KAZN: variants seen among roughly 807,000 people sequenced by gnomAD.
The protein encoded by KAZN is kazrin.
Under a neutral mutation model 87.4 loss-of-function variants are expected in KAZN, and 40 were observed. The ratio of observed to expected loss-of-function variants is 0.46; its 90% CI spans 0.36 to 0.60. The LOEUF (loss-of-function observed/expected upper bound fraction) is 0.60. Ranked by LOEUF, KAZN falls within the 20% of genes least tolerant of loss-of-function variation. The pLI, the probability that KAZN is intolerant of heterozygous loss-of-function variation, is 0.00. For synonymous variants in KAZN, 466 were observed against 458.3 expected, an observed-to-expected ratio of 1.02 and a Z score of -0.22; for missense variants, 898 against 1,073.9, an observed-to-expected ratio of 0.84 and a Z score of 2.29.
chr1:13,970,957 G>A (rs191695445), intron 1 of KAZN, among the ~76,000 whole-genome samples: 50 of 152,316 alleles, frequency 3.3e-4, no homozygotes, highest in Non-Finnish European at 6.5e-4. Flanking sequence ...AAATGAGAGT[G>A]ACATATGTTG....
At position 14,841,319 on chromosome 1, in the gene KAZN, T is replaced by A. The variant is rs540915473; in HGVS notation, c.227-119365T>A. ...ACTCGGAGAGGCTGAGGCAGGAGAA[T>A]GGTGTGAACCCGGGAGGCGGAGCTT... On this transcript the variant is annotated intron_variant, in intron 1 of 14. Transcript: ENST00000376030. Among the ~76,000 whole-genome samples, 3 of 143,566 alleles carry A rather than the reference T, an allele frequency of 2.1e-5. 1 individual carries two copies. In the South Asian group the frequency reaches 6.5e-4, roughly 31 times the overall value. 94.2% of individuals were successfully genotyped at this position (143,566 alleles called of 152,430 possible).
At chr1:14,265,828 G>A (rs1215834185) in intron 2 of KAZN, among the ~76,000 whole-genome samples, 9 of 152,218 alleles carry the variant, frequency 5.9e-5, no homozygotes, top group Admixed American at 5.2e-4. Context: ...TTACCAGCAG[G>A]TGGTGATTTG....
intron 1 of KAZN, among the ~76,000 whole-genome samples, chr1:14,038,084 C>T (rs1641638500): frequency 6.6e-6 from 1 of 152,140 alleles, no homozygotes; most frequent in Admixed American, 6.6e-5. Flanking sequence ...TTTATTTGTT[C>T]AGTAAGGTTT....
chr1:15,104,123 C>T lies in KAZN; in HGVS notation c.1982C>T (p.Pro661Leu). Residue 661 changes from proline (P) to leucine (L), a missense_variant, in exon 13 of 15, where the codon CCC becomes CTC. Physicochemically the swap from Pro to Leu is moderately conservative, Grantham distance 98. This residue lies in a region of KAZN where 521 missense variants were observed against 689.4 expected (regional missense o/e 0.76). Coordinates refer to ENST00000376030, the MANE Select transcript of KAZN (RefSeq NM_201628.3). ...GCCATGGCCACTGCCCTGGGCATCC[C>T]CAGTGGGAAGCACATCCTCCGGAGA... ...AEAMATALGI[P>L]SGKHILRRHL... 6.2e-7 allele frequency: 1 copy of T among 1,610,128 alleles called. No individual in the cohort carries two copies. The highest frequency in any genetic ancestry group is 2.2e-5 in the East Asian group (1 of 44,718).
At chr1:14,530,149 G>A (rs1009986980) in intron 2 of KAZN, among the ~76,000 whole-genome samples, 1 of 152,178 alleles carries the variant, frequency 6.6e-6, no homozygotes, top group South Asian at 2.1e-4. Flanking sequence ...ACAGTAGAGA[G>A]ACCACCTTCC....
rs868662248 is a variant in KAZN at position 14,149,247 on chromosome 1, G to A, written c.92-31188G>A. Among the ~76,000 whole-genome samples, 38 of 150,600 alleles carry A rather than the reference G, an allele frequency of 2.5e-4. 1 individual carries two copies. The highest frequency in any genetic ancestry group is 7.8e-4 in the African/African-American group (32 of 40,944). On this transcript the variant is annotated intron_variant, in intron 1 of 16. Coordinates refer to the KAZN transcript ENST00000636203. ...CTCCCAAGTAGCTGGGACTACAGGC[G>A]TGTGCCACCACGCCCAGCTAATTTT...
chr1:14,375,474 G>A (rs914783966), intron 2 of KAZN, among the ~76,000 whole-genome samples: 4 of 152,170 alleles, frequency 2.6e-5, no homozygotes, highest in African/African-American at 4.8e-5. Flanking sequence ...CTGGGATCAC[G>A]TGTTTCCCAC....
intron 2 of KAZN, among the ~76,000 whole-genome samples, chr1:14,581,806 T>C (rs769431281): frequency 1.2e-4 from 18 of 152,162 alleles, no homozygotes; most frequent in Non-Finnish European, 1.9e-4. Context: ...CTGTGTGTGA[T>C]TCAGGTCTCT....
At chr1:15,100,178 C>A (rs1640994070) in intron 10 of KAZN, among the ~76,000 whole-genome samples, 1 of 152,156 alleles carries the variant, frequency 6.6e-6, no homozygotes, top group South Asian at 2.1e-4. Flanking sequence ...AATACAGAGA[C>A]AGGAGTGCCT....
At chr1:15,045,203 G>T (rs1043907609) in intron 4 of KAZN, among the ~76,000 whole-genome samples, 1 of 152,168 alleles carries the variant, frequency 6.6e-6, no homozygotes, top group Admixed American at 6.5e-5. Flanking sequence ...CAGATCCAGG[G>T]AGCTTGTGGC....
chr1:14,938,299 T>C (rs905579399), intron 1 of KAZN, among the ~76,000 whole-genome samples: 4 of 152,244 alleles, frequency 2.6e-5, no homozygotes, highest in South Asian at 2.1e-4. Context: ...CCCAACACTT[T>C]GGGAGGCCAA....
intron 2 of KAZN, among the ~76,000 whole-genome samples, chr1:14,574,643 C>T (rs938732284): frequency 2.0e-5 from 3 of 152,174 alleles, no homozygotes; most frequent in African/African-American, 7.2e-5. Flanking sequence ...ATTACCCAGT[C>T]TCGGGTATGT....
chr1:14,709,284 A>C (rs923030798), intron 1 of KAZN, among the ~76,000 whole-genome samples: 5 of 152,174 alleles, frequency 3.3e-5, no homozygotes, highest in African/African-American at 1.2e-4. Context: ...CCAATTAATA[A>C]AGTGCAAAAT....
chr1:15,048,516 C>T (rs944072702), intron 4 of KAZN, among the ~76,000 whole-genome samples: 5 of 152,232 alleles, frequency 3.3e-5, no homozygotes, highest in Non-Finnish European at 4.4e-5. Flanking sequence ...CCCGCAGGAG[C>T]CTCCCCTCCA....
chr1:15,054,657 A>G (rs1674755535), intron 4 of KAZN, among the ~76,000 whole-genome samples: 1 of 150,446 alleles, frequency 6.6e-6, no homozygotes, highest in African/African-American at 2.5e-5. Flanking sequence ...ATCTCAAAAA[A>G]AAAAAAAAGA....
chr1:14,138,834 A>G (rs970738980), intron 1 of KAZN, among the ~76,000 whole-genome samples: 2 of 152,152 alleles, frequency 1.3e-5, no homozygotes, highest in African/African-American at 4.8e-5. Context: ...ATGCTAACAG[A>G]TGGTTCTGTG....
intron 2 of KAZN, among the ~76,000 whole-genome samples, chr1:14,975,023 A>T (rs1482770497): frequency 6.6e-6 from 1 of 152,220 alleles, no homozygotes; most frequent in Non-Finnish European, 1.5e-5. Flanking sequence ...AGCATTTTAG[A>T]ACCCTGTAAG....
chr1:14,618,404 T>C (rs1678427288), intron 1 of KAZN, among the ~76,000 whole-genome samples: 1 of 152,210 alleles, frequency 6.6e-6, no homozygotes, highest in Non-Finnish European at 1.5e-5. Flanking sequence ...TGTACATATT[T>C]CTTGGGCACC....
intron 1 of KAZN, among the ~76,000 whole-genome samples, chr1:14,012,755 C>A (rs1347938147): frequency 6.6e-6 from 1 of 152,112 alleles, no homozygotes; most frequent in African/African-American, 2.4e-5. Context: ...CAGTGAGCAA[C>A]CACTCCAACC....
Sources: allele counts gnomAD v4.1 joint callset (sites outside exome capture counted in the v4.1 genomes callset), GRCh38; gene constraint gnomAD v4.1.1; regional missense constraint gnomAD v4.1.1; transcripts MANE v1.5; gene names NCBI Gene and HGNC (gene_info 2026-07-23, HGNC 2026-07-21).